Variants in NBEA observed in about 807,000 individuals in gnomAD.
NBEA encodes the protein neurobeachin.
Under a neutral mutation model 343.4 loss-of-function variants are expected in NBEA, and 44 were observed. That is an observed-to-expected ratio of 0.13 (90% CI 0.10 to 0.16). The LOEUF is 0.16. Among genes scored for constraint, NBEA ranks in the 10% least tolerant of loss-of-function variants. The pLI is 1.00. For synonymous variants in NBEA, 1,175 were observed against 1,238.7 expected, an observed-to-expected ratio of 0.95 and a Z score of 1.08; for missense variants, 2,555 against 3,631.3, an observed-to-expected ratio of 0.70 and a Z score of 7.62.
At chr13:35,049,615 G>A (rs1266902824) in intron 5 of NBEA, among the ~76,000 whole-genome samples, 1 of 151,642 alleles carries the variant, frequency 6.6e-6, no homozygotes, top group East Asian at 1.9e-4. Flanking sequence ...ACATAAATGG[G>A]GTTGGACTTC....
chr13:35,484,936 C>A (rs1594782770), intron 41 of NBEA, among the ~76,000 whole-genome samples: 1 of 151,928 alleles, frequency 6.6e-6, no homozygotes, highest in African/African-American at 2.4e-5. Context: ...TTTAAACTTT[C>A]TTTTGATAAA....
At chr13:35,039,802 G>C (rs1247028200) in intron 1 of NBEA, among the ~76,000 whole-genome samples, 2 of 152,088 alleles carry the variant, frequency 1.3e-5, no homozygotes, top group Non-Finnish European at 2.9e-5. Context: ...CTCCCTGTCT[G>C]TTCCTAATCT....
In NBEA at chr13:35,586,115, T is replaced by C. The variant is rs78192167; in HGVS notation, c.7176+2077T>C. ...CTCAGACCACTCTATTGTATGGGGC[T>C]GATGTGTCCAAGAAACACATTGGTA... On this transcript the variant is annotated intron_variant, in intron 46 of 58. Transcript: ENST00000379939. Among the ~76,000 whole-genome samples the C allele has an allele frequency of 5.2e-3, 792 of 152,318 alleles. 7 individuals carry two copies. The highest frequency in any genetic ancestry group is 9.4e-3 in the Non-Finnish European group (641 of 68,024).
intron 37 of NBEA, among the ~76,000 whole-genome samples, chr13:35,349,895 G>T (rs879762103): frequency 6.6e-6 from 1 of 152,042 alleles, no homozygotes; most frequent in Non-Finnish European, 1.5e-5. Flanking sequence ...GACCTAGCTG[G>T]CTGAAAAGCA....
At chr13:35,115,220 C>G (rs1047043983) in intron 13 of NBEA, among the ~76,000 whole-genome samples, 2 of 152,092 alleles carry the variant, frequency 1.3e-5, no homozygotes, top group Non-Finnish European at 2.9e-5. Context: ...TCTGCTCATA[C>G]AAACATGAGC....
At chr13:35,348,160 T>C (rs2039991845) in intron 36 of NBEA, among the ~76,000 whole-genome samples, 1 of 152,070 alleles carries the variant, frequency 6.6e-6, no homozygotes. Context: ...GTTGCAGCCA[T>C]CTTTGGAAGT....
chr13:35,210,621 G>A (rs899775904), intron 32 of NBEA, among the ~76,000 whole-genome samples: 3 of 152,086 alleles, frequency 2.0e-5, no homozygotes, highest in African/African-American at 7.2e-5. Flanking sequence ...TTATCAAAAG[G>A]AGCATTAGAT....
chr13:35,541,434 G>A (rs1766571896), intron 41 of NBEA, among the ~76,000 whole-genome samples: 1 of 151,950 alleles, frequency 6.6e-6, no homozygotes, highest in African/African-American at 2.4e-5. Flanking sequence ...TAAACCATGA[G>A]GACACTTGGT....
chr13:35,615,917 C>G (rs773801061), intron 48 of NBEA, among the ~76,000 whole-genome samples: 2 of 152,116 alleles, frequency 1.3e-5, no homozygotes, highest in East Asian at 3.9e-4. Flanking sequence ...CACCCTTACC[C>G]GTAAGGCTTC....
chr13:35,365,236 A>T (rs1033357674), intron 38 of NBEA, among the ~76,000 whole-genome samples: 1 of 151,812 alleles, frequency 6.6e-6, no homozygotes, highest in African/African-American at 2.4e-5. Context: ...GAATTACATG[A>T]AACAACAAAT....
At chr13:35,515,558 GT>G (rs1427339428) in intron 41 of NBEA, among the ~76,000 whole-genome samples, 11 of 152,234 alleles carry the variant, frequency 7.2e-5, no homozygotes, top group Non-Finnish European at 1.5e-4. Flanking sequence ...TACCAAAATG[GT>G]TTTTTCCATG....
chr13:34,969,219 T>C (rs927771537), intron 1 of NBEA, among the ~76,000 whole-genome samples: 2 of 152,060 alleles, frequency 1.3e-5, no homozygotes, highest in Non-Finnish European at 2.9e-5. Context: ...ACTAGGCAGG[T>C]TCCACATTCT....
chr13:35,184,766 TA>T (rs1310708500), intron 30 of NBEA, among the ~76,000 whole-genome samples: 4 of 152,102 alleles, frequency 2.6e-5, no homozygotes, highest in Non-Finnish European at 4.4e-5. Flanking sequence ...ATGACAATTT[TA>T]GAGATGAAAA....
intron 33 of NBEA, among the ~76,000 whole-genome samples, chr13:35,218,980 G>A (rs548214350): frequency 6.6e-6 from 1 of 152,006 alleles, no homozygotes; most frequent in Admixed American, 6.6e-5. Context: ...TTTTAGGAAA[G>A]TTTCTTAATT....
At chr13:34,983,149 C>T (rs2060416581) in intron 1 of NBEA, among the ~76,000 whole-genome samples, 2 of 152,140 alleles carry the variant, frequency 1.3e-5, no homozygotes, top group African/African-American at 2.4e-5. Flanking sequence ...TTAGGTATTT[C>T]TCCTAATGCT....
chr13:35,338,344 A>C (rs2039388379), intron 36 of NBEA, among the ~76,000 whole-genome samples: 1 of 152,058 alleles, frequency 6.6e-6, no homozygotes, highest in Non-Finnish European at 1.5e-5. Context: ...CAATACTAGA[A>C]AACTCTACAT....
intron 1 of NBEA, among the ~76,000 whole-genome samples, chr13:34,966,723 T>C (rs1593305440): frequency 6.6e-6 from 1 of 151,882 alleles, no homozygotes. Context: ...TTCCTTTTAT[T>C]TCCCTCATAA....
At chr13:35,488,553 T>G (rs2076386764) in intron 41 of NBEA, among the ~76,000 whole-genome samples, 1 of 151,932 alleles carries the variant, frequency 6.6e-6, no homozygotes, top group South Asian at 2.1e-4. Flanking sequence ...CTAATAAACT[T>G]TCAATGCAAA....
At chr13:35,427,962 C>T (rs73502777) in intron 38 of NBEA, among the ~76,000 whole-genome samples, 3,306 of 152,244 alleles carry the variant, frequency 0.022, 146 homozygotes, top group African/African-American at 0.076. Context: ...CCTCGTGTGC[C>T]GTTTTTCAAG....
Sources: allele counts gnomAD v4.1 joint callset (sites outside exome capture counted in the v4.1 genomes callset), GRCh38; gene constraint gnomAD v4.1.1; transcripts MANE v1.5; gene names NCBI Gene and HGNC (gene_info 2026-07-23, HGNC 2026-07-21).